Variants in DAG1 observed in about 807,000 individuals in gnomAD.
The protein encoded by DAG1 is dystroglycan 1, also known as dystroglycan 1 (dystrophin-associated glycoprotein 1).
A neutral mutation model predicts 46.1 loss-of-function variants in DAG1; 8 were observed. The observed-to-expected ratio is 0.17, with a 90% CI of 0.10 to 0.31. The LOEUF (loss-of-function observed/expected upper bound fraction) is 0.31, where lower values mean the gene tolerates loss of function less well. Ranked by LOEUF, DAG1 falls within the 10% of genes least tolerant of loss-of-function variation. The pLI is 1.00. For missense variants in DAG1, 1,003 were observed against 1,189.9 expected (o/e 0.84, Z 2.31); for synonymous variants, 495 against 481.8 (o/e 1.03, Z -0.36).
At position 49,534,187 on chromosome 3, in the gene DAG1, G is replaced by GC. The variant is rs2051447098; in HGVS notation, c.*988_*989insC. On this transcript the variant is annotated 3_prime_UTR_variant, in exon 3 of 3. Coordinates refer to ENST00000308775, the MANE Select transcript of DAG1 (RefSeq NM_004393.6). Reference sequence around the variant, plus strand: ...TTGTTTTACCCTTTTTCTGTGCATTGTTTTTTTTTTTCCTCCTAAAAGGAA... The same window carrying GC: ...TTGTTTTACCCTTTTTCTGTGCATTGCTTTTTTTTTTTCCTCCTAAAAGGAA... The GC allele has an allele frequency of 6.8e-6, 1 of 147,714 alleles. No individual in the cohort carries two copies. The highest frequency in any genetic ancestry group is 1.5e-5 in the Non-Finnish European group (1 of 66,400). 9.2% of individuals were successfully genotyped at this position (147,714 alleles called of 1,614,324 possible). A position where few individuals can be genotyped will look rare whatever the true frequency, so the allele number is the denominator to read the frequency against.
intron 1 of DAG1, among the ~76,000 whole-genome samples, chr3:49,493,377 G>A (rs1417006845): frequency 6.6e-6 from 1 of 152,054 alleles, no homozygotes; most frequent in Non-Finnish European, 1.5e-5. Flanking sequence ...GTTCTAAAAT[G>A]CAAGAATTAA....
At chr3:49,511,063 T>A (rs989400226) in intron 2 of DAG1, 11 of 763,204 alleles carry the variant, frequency 1.4e-5, no homozygotes. Flanking sequence ...CTCTGGAAGT[T>A]CTACTGAACA....
intron 1 of DAG1, chr3:49,488,524 AT>A (rs1355678958): frequency 4.6e-5 from 7 of 152,190 alleles, no homozygotes; most frequent in Non-Finnish European, 7.3e-5. Flanking sequence ...GCCACACACA[AT>A]AGGGGTGAAT....
intron 1 of DAG1, among the ~76,000 whole-genome samples, chr3:49,493,507 T>G (rs1575361857): frequency 6.6e-6 from 1 of 152,178 alleles, no homozygotes; most frequent in East Asian, 1.9e-4. Flanking sequence ...TCTTTAAGGA[T>G]TTCTTCAGTC....
intron 1 of DAG1, among the ~76,000 whole-genome samples, chr3:49,483,966 A>C (rs2049950759): frequency 1.3e-5 from 2 of 152,186 alleles, no homozygotes; most frequent in Admixed American, 1.3e-4. Context: ...GAAGTGTCTT[A>C]TATTTTTAGA....
intron 2 of DAG1, among the ~76,000 whole-genome samples, chr3:49,518,535 G>A (rs969869192): frequency 2.6e-5 from 4 of 152,174 alleles, no homozygotes; most frequent in Admixed American, 1.3e-4. Context: ...TACTTTACAC[G>A]TCAGTCTGCA....
At chr3:49,523,725 A>T (rs1261511800) in intron 2 of DAG1, among the ~76,000 whole-genome samples, 2 of 152,100 alleles carry the variant, frequency 1.3e-5, no homozygotes, top group African/African-American at 2.4e-5. Context: ...AGTAGCCTCA[A>T]ATTACTTACT....
At chr3:49,471,230 A>G (rs955044768) in intron 1 of DAG1, among the ~76,000 whole-genome samples, 49 of 152,214 alleles carry the variant, frequency 3.2e-4, no homozygotes, top group African/African-American at 1.2e-3. Context: ...GTCTAACTTA[A>G]GATTCTAGCC....
chr3:49,508,756 T>TG (rs1368674277), intron 1 of DAG1, among the ~76,000 whole-genome samples: 1 of 152,176 alleles, frequency 6.6e-6, no homozygotes, highest in Non-Finnish European at 1.5e-5. Flanking sequence ...CTTGAACTCC[T>TG]GACTTCAAGT....
Position 49,510,205 on chromosome 3 carries a change from C to T in DAG1, c.-116-214C>T, listed in dbSNP as rs746396855. The T allele has an allele frequency of 8.0e-5, 39 of 486,848 alleles. No individual in the cohort carries two copies. In the South Asian group the frequency reaches 1.5e-3, roughly 19 times the overall value. The allele number at this position is 486,848 out of a possible 1,614,324, so 30.2% of individuals were successfully genotyped here. ...TTACATTCATTTTTTATGAAGTTTT[C>T]AAAATCCAGTGTATATTTTATATTT... is the stretch of plus-strand genomic sequence containing the variant. On this transcript the variant is annotated intron_variant, in intron 1 of 2. Transcript: ENST00000308775.
chr3:49,519,654 A>G (rs1237034625), intron 2 of DAG1, among the ~76,000 whole-genome samples: 1 of 152,182 alleles, frequency 6.6e-6, no homozygotes, highest in Non-Finnish European at 1.5e-5. Flanking sequence ...GATGGAAGGC[A>G]TCCTTGGGGG....
At chr3:49,481,787 A>G (rs575404505) in intron 1 of DAG1, among the ~76,000 whole-genome samples, 7 of 152,270 alleles carry the variant, frequency 4.6e-5, no homozygotes, top group Admixed American at 3.3e-4. Flanking sequence ...CTTCATTTCT[A>G]TAGATGTTGT....
intron 2 of DAG1, chr3:49,511,044 T>C: frequency 1.0e-5 from 9 of 880,830 alleles, no homozygotes; most frequent in Non-Finnish European, 1.2e-5. Context: ...CACCATGTAA[T>C]AGCCTTTACT....
At chr3:49,490,296 T>C (rs1008931025) in intron 1 of DAG1, among the ~76,000 whole-genome samples, 1 of 150,718 alleles carries the variant, frequency 6.6e-6, no homozygotes, top group African/African-American at 2.4e-5. Flanking sequence ...GAGCTTGCAG[T>C]GAGCCGAGAT....
At chr3:49,520,633 G>A (rs897788182) in intron 2 of DAG1, among the ~76,000 whole-genome samples, 8 of 152,184 alleles carry the variant, frequency 5.3e-5, no homozygotes, top group Non-Finnish European at 1.0e-4. Context: ...TGGGGGACAC[G>A]GGGAAGGGCC....
intron 1 of DAG1, among the ~76,000 whole-genome samples, chr3:49,488,974 G>A (rs1437927418): frequency 6.6e-6 from 1 of 152,176 alleles, no homozygotes; most frequent in Non-Finnish European, 1.5e-5. Context: ...TACATTCAAT[G>A]TGTCATTTGT....
At chr3:49,473,918 C>G (rs974593803) in intron 1 of DAG1, among the ~76,000 whole-genome samples, 1 of 149,216 alleles carries the variant, frequency 6.7e-6, no homozygotes, top group African/African-American at 2.5e-5. Flanking sequence ...GAGTCTCACT[C>G]TGTTATCCAG....
chr3:49,503,030 T>C (rs895314907), intron 1 of DAG1, among the ~76,000 whole-genome samples: 12 of 152,230 alleles, frequency 7.9e-5, no homozygotes, highest in Non-Finnish European at 5.9e-5. Context: ...CCTATTGATA[T>C]ATTTTCCAGT....
intron 2 of DAG1, among the ~76,000 whole-genome samples, chr3:49,512,854 CTCTG>C (rs1009722704): frequency 6.6e-6 from 1 of 151,928 alleles, no homozygotes; most frequent in Non-Finnish European, 1.5e-5. Context: ...TAGGGTCTTA[CTCTG>C]TCTGCCAGGC....
Sources: allele counts gnomAD v4.1 joint callset (sites outside exome capture counted in the v4.1 genomes callset), GRCh38; gene constraint gnomAD v4.1.1; transcripts MANE v1.5; gene names NCBI Gene and HGNC (gene_info 2026-07-23, HGNC 2026-07-21).